CTNND2: variants seen among roughly 807,000 people sequenced by gnomAD.
The protein encoded by CTNND2 is catenin delta 2, also known as catenin delta-2.
In CTNND2, 22 loss-of-function variants were observed where a neutral mutation model predicts 144.4. The observed-to-expected ratio is 0.15, with a 90% CI of 0.11 to 0.22. The LOEUF (loss-of-function observed/expected upper bound fraction) is 0.22, where lower values mean the gene tolerates loss of function less well. Among genes scored for constraint, CTNND2 ranks in the 10% least tolerant of loss-of-function variants. The pLI is 1.00. For missense variants in CTNND2, 1,353 were observed against 1,618.8 expected (o/e 0.84, Z 2.82); for synonymous variants, 751 against 695.6 (o/e 1.08, Z -1.25).
At chr5:11,067,797 AG>A (rs1747774547) in intron 16 of CTNND2, among the ~76,000 whole-genome samples, 1 of 152,246 alleles carries the variant, frequency 6.6e-6, no homozygotes, top group Admixed American at 6.5e-5. Context: ...TTCAAACATA[AG>A]GGGCTTTATT....
chr5:11,778,804 A>C (rs2126842617), intron 1 of CTNND2, among the ~76,000 whole-genome samples: 1 of 152,370 alleles, frequency 6.6e-6, no homozygotes, highest in South Asian at 2.1e-4. Context: ...TTGGATCATT[A>C]ATCATGCCAA....
At position 11,361,417 on chromosome 5, in the gene CTNND2, A is replaced by T. The variant is rs185504636; in HGVS notation, c.1372+3279T>A. Among the ~76,000 whole-genome samples, 34 of 152,266 alleles carry T rather than the reference A, an allele frequency of 2.2e-4. 2 individuals carry two copies. The East Asian group carries it at 6.6e-3, about 29-fold the overall frequency. On this transcript the variant is annotated intron_variant, in intron 8 of 21. Coordinates refer to ENST00000304623, the MANE Select transcript of CTNND2 (RefSeq NM_001332.4). ...GCGATTCTCTCATCTAGGCCTCCCA[A>T]AGTGTTGAAATGATAGGTGTGAGCC...
intron 3 of CTNND2, among the ~76,000 whole-genome samples, chr5:11,486,744 C>T (rs1768870496): frequency 6.6e-6 from 1 of 152,126 alleles, no homozygotes; most frequent in African/African-American, 2.4e-5. Flanking sequence ...AAATAGTCTT[C>T]ATAGTATTAT....
intron 2 of CTNND2, among the ~76,000 whole-genome samples, chr5:11,635,867 C>G (rs560724463): frequency 6.6e-6 from 1 of 152,094 alleles, no homozygotes; most frequent in Admixed American, 6.6e-5. Flanking sequence ...CTCCTTAATA[C>G]CAGCTTCCAC....
At chr5:11,517,696 G>T (rs938617670) in intron 3 of CTNND2, among the ~76,000 whole-genome samples, 2 of 151,556 alleles carry the variant, frequency 1.3e-5, no homozygotes, top group African/African-American at 4.9e-5. Flanking sequence ...CCTAGATGAT[G>T]GGTTCATAGG....
chr5:11,537,474 C>T (rs538899819), intron 3 of CTNND2, among the ~76,000 whole-genome samples: 58 of 152,190 alleles, frequency 3.8e-4, no homozygotes, highest in African/African-American at 1.4e-3. Flanking sequence ...TTATATACAT[C>T]GTTCAACTCA....
intron 11 of CTNND2, among the ~76,000 whole-genome samples, chr5:11,181,572 C>T (rs1038104894): frequency 3.9e-5 from 6 of 152,132 alleles, no homozygotes; most frequent in Non-Finnish European, 7.4e-5. Flanking sequence ...GATAGTAGTG[C>T]TTCCAGTGTG....
intron 2 of CTNND2, among the ~76,000 whole-genome samples, chr5:11,710,539 CAAA>C (rs1197887467): frequency 1.5e-4 from 10 of 68,764 alleles, no homozygotes; most frequent in Admixed American, 1.1e-3. Context: ...GACTCCATCT[CAAA>C]AAAAAAAAAA....
intron 3 of CTNND2, among the ~76,000 whole-genome samples, chr5:11,464,426 T>C (rs974539134): frequency 2.0e-5 from 3 of 151,922 alleles, no homozygotes; most frequent in African/African-American, 4.8e-5. Context: ...AGGGAGAAAG[T>C]GCCCAAGGTT....
chr5:11,681,506 A>G (rs1341604422), intron 2 of CTNND2, among the ~76,000 whole-genome samples: 2 of 152,210 alleles, frequency 1.3e-5, no homozygotes, highest in East Asian at 3.9e-4. Context: ...CATGGCTTCT[A>G]TTGTGCATGT....
intron 3 of CTNND2, among the ~76,000 whole-genome samples, chr5:11,424,549 T>C (rs31890): frequency 0.29 from 43,830 of 151,936 alleles, 8,551 homozygotes; most frequent in African/African-American, 0.55. Context: ...GGTTGTGATA[T>C]TGTACTACTT....
intron 2 of CTNND2, among the ~76,000 whole-genome samples, chr5:11,612,591 T>C (rs1241538614): frequency 6.6e-6 from 1 of 152,166 alleles, no homozygotes; most frequent in Non-Finnish European, 1.5e-5. Context: ...AATACTACGA[T>C]GCTTACTATT....
intron 1 of CTNND2, among the ~76,000 whole-genome samples, chr5:11,808,236 C>T (rs1792118819): frequency 6.6e-6 from 1 of 152,204 alleles, no homozygotes; most frequent in Non-Finnish European, 1.5e-5. Context: ...ACTAAACATA[C>T]TTTATTCACT....
At chr5:11,432,653 A>G (rs1185588081) in intron 3 of CTNND2, among the ~76,000 whole-genome samples, 1 of 152,192 alleles carries the variant, frequency 6.6e-6, no homozygotes, top group Non-Finnish European at 1.5e-5. Flanking sequence ...TCAGAAAGAC[A>G]GAGTATCTTC....
intron 1 of CTNND2, among the ~76,000 whole-genome samples, chr5:11,766,722 C>G (rs149039722): frequency 1.3e-5 from 2 of 152,074 alleles, no homozygotes; most frequent in Admixed American, 6.6e-5. Context: ...GGAGTCTCAT[C>G]GAAGTCATGG....
chr5:11,371,813 G>C (rs146914379), intron 7 of CTNND2, among the ~76,000 whole-genome samples: 1,872 of 152,246 alleles, frequency 0.012, 35 homozygotes, highest in African/African-American at 0.044. Context: ...TCGTATTTCA[G>C]ACTTACGTTT....
intron 3 of CTNND2, among the ~76,000 whole-genome samples, chr5:11,461,633 C>T (rs1766233470): frequency 1.3e-5 from 2 of 151,852 alleles, no homozygotes; most frequent in African/African-American, 2.4e-5. Flanking sequence ...TGTTGTAGCT[C>T]GAATGAGCAA....
chr5:10,995,503 G>C (rs115675424), intron 18 of CTNND2, among the ~76,000 whole-genome samples: 1 of 152,194 alleles, frequency 6.6e-6, no homozygotes, highest in Non-Finnish European at 1.5e-5. Context: ...TAACTCCAGC[G>C]GTCCCAAAAG....
chr5:11,816,086 C>T (rs1282065233), intron 1 of CTNND2, among the ~76,000 whole-genome samples: 1 of 152,138 alleles, frequency 6.6e-6, no homozygotes, highest in Non-Finnish European at 1.5e-5. Flanking sequence ...GGCAAGAGGC[C>T]CTGGTCCTGG....
Sources: allele counts gnomAD v4.1 joint callset (sites outside exome capture counted in the v4.1 genomes callset), GRCh38; gene constraint gnomAD v4.1.1; transcripts MANE v1.5; gene names NCBI Gene and HGNC (gene_info 2026-07-23, HGNC 2026-07-21).